The following PDE4D variants were observed in gnomAD, a reference collection of about 807,000 sequenced individuals.
The protein encoded by PDE4D is 3',5'-cyclic-AMP phosphodiesterase 4D.
In PDE4D, 24 loss-of-function variants were observed where a neutral mutation model predicts 87.4. That is an observed-to-expected ratio of 0.27 (90% confidence interval 0.20 to 0.39). PDE4D has a LOEUF of 0.39. Among genes scored for constraint, PDE4D ranks in the 10% least tolerant of loss-of-function variants. The probability of loss-of-function intolerance (pLI) is 1.00; values close to 1 mark genes in which losing one functional copy is unlikely to be tolerated. For missense variants in PDE4D, 714 were observed against 1,041.0 expected (o/e 0.69, Z 4.32); for synonymous variants, 384 against 383.2 (o/e 1.00, Z -0.02).
At chr5:59,670,611 T>G (rs745699177) in intron 1 of PDE4D, among the ~76,000 whole-genome samples, 4 of 151,378 alleles carry the variant, frequency 2.6e-5, no homozygotes, top group African/African-American at 9.7e-5. Context: ...TATTCCAAAA[T>G]CCAAAAAAAA....
chr5:59,434,257 T>C (rs1796497351), intron 1 of PDE4D, among the ~76,000 whole-genome samples: 1 of 133,262 alleles, frequency 7.5e-6, no homozygotes, highest in Non-Finnish European at 1.6e-5. Flanking sequence ...TAAAGAAGTC[T>C]CATCTTTAGG....
chr5:58,988,393 G>C (rs919156104), intron 11 of PDE4D, 100 bp downstream of exon 11: 5 of 451,998 alleles, frequency 1.1e-5, no homozygotes, highest in African/African-American at 8.0e-5. Context: ...CATCTCAAAA[G>C]AACATTATGG....
At chr5:59,765,485 T>C (rs1355504602) in intron 1 of PDE4D, among the ~76,000 whole-genome samples, 1 of 152,240 alleles carries the variant, frequency 6.6e-6, no homozygotes, top group Non-Finnish European at 1.5e-5. Flanking sequence ...CCTTATGCCT[T>C]GGAACAGAGC....
At chr5:59,627,790 A>C (rs1831069356) in intron 1 of PDE4D, among the ~76,000 whole-genome samples, 1 of 152,180 alleles carries the variant, frequency 6.6e-6, no homozygotes, top group African/African-American at 2.4e-5. Context: ...GCATAAAATC[A>C]CCCCAGCACT....
At chr5:59,378,253 G>A (rs1262786077) in intron 1 of PDE4D, among the ~76,000 whole-genome samples, 1 of 152,128 alleles carries the variant, frequency 6.6e-6, no homozygotes. Context: ...ACACAAAGAG[G>A]GGAACAACAC....
At chr5:59,882,476 T>C (rs1028808071) in intron 1 of PDE4D, among the ~76,000 whole-genome samples, 3 of 152,222 alleles carry the variant, frequency 2.0e-5, no homozygotes, top group Admixed American at 1.3e-4. Flanking sequence ...ATTGTTATCA[T>C]GAATTTGGAC....
At chr5:59,484,801 A>G (rs540689103) in intron 1 of PDE4D, among the ~76,000 whole-genome samples, 3 of 152,178 alleles carry the variant, frequency 2.0e-5, no homozygotes, top group Non-Finnish European at 4.4e-5. Context: ...GCTCTAGTGA[A>G]ACCATTTAGT....
At position 59,554,333 on chromosome 5, in the gene PDE4D, T is replaced by A. The variant is rs7731419; in HGVS notation, c.456-338365A>T. Among the ~76,000 whole-genome samples the A allele has an allele frequency of 7.5e-3, 1,148 of 152,252 alleles. 15 individuals carry two copies. Among genetic ancestry groups the A allele is most frequent in the African/African-American group, 0.026 (1,097 of 41,536 alleles). ...CTTCACAACCACTTTATAAAGTAAG[T>A]ATCATGATGGCCCCCATCCCCCTCC... On this transcript the variant is annotated intron_variant, in intron 1 of 14. Transcript: ENST00000340635.
intron 1 of PDE4D, among the ~76,000 whole-genome samples, chr5:59,548,614 T>G (rs990237255): frequency 6.6e-6 from 1 of 152,158 alleles, no homozygotes; most frequent in South Asian, 2.1e-4. Flanking sequence ...AGAAAAATAA[T>G]GCAGGAATGA....
intron 1 of PDE4D, among the ~76,000 whole-genome samples, chr5:59,613,735 A>G (rs947754047): frequency 6.6e-6 from 1 of 152,180 alleles, no homozygotes; most frequent in Non-Finnish European, 1.5e-5. Context: ...TGGGATTCAC[A>G]TGCCTTGACT....
intron 1 of PDE4D, among the ~76,000 whole-genome samples, chr5:59,562,260 A>C (rs911288756): frequency 2.6e-5 from 4 of 152,226 alleles, no homozygotes; most frequent in African/African-American, 9.6e-5. Context: ...AAGGAATTTC[A>C]TATTCCTATC....
chr5:60,457,270 T>C (rs1746546455), intron 1 of PDE4D, among the ~76,000 whole-genome samples: 1 of 152,160 alleles, frequency 6.6e-6, no homozygotes, highest in African/African-American at 2.4e-5. Context: ...CAGTGAGTAA[T>C]AAGGCCTTTT....
At chr5:60,209,186 TC>T (rs369324968) in intron 1 of PDE4D, among the ~76,000 whole-genome samples, 5 of 136,244 alleles carry the variant, frequency 3.7e-5, no homozygotes, top group Non-Finnish European at 4.7e-5. Flanking sequence ...TTTCTTTTTT[TC>T]TTTTTTTTTT....
intron 1 of PDE4D, among the ~76,000 whole-genome samples, chr5:59,232,645 A>G (rs1024699540): frequency 1.3e-5 from 2 of 152,118 alleles, no homozygotes; most frequent in Non-Finnish European, 1.5e-5. Flanking sequence ...GAACTATTAT[A>G]CAATCCAGCA....
intron 1 of PDE4D, among the ~76,000 whole-genome samples, chr5:60,248,936 A>T (rs904360553): frequency 1.3e-5 from 2 of 152,016 alleles, no homozygotes; most frequent in African/African-American, 4.8e-5. Flanking sequence ...AGCAGCTGGC[A>T]TTCACTGCGC....
chr5:60,213,485 C>T (rs931116082), intron 1 of PDE4D, among the ~76,000 whole-genome samples: 9 of 152,120 alleles, frequency 5.9e-5, no homozygotes, highest in Non-Finnish European at 1.2e-4. Flanking sequence ...TGAGACCAGT[C>T]GGATGGTCTT....
At chr5:60,258,370 C>T (rs1749313998) in intron 1 of PDE4D, among the ~76,000 whole-genome samples, 2 of 151,734 alleles carry the variant, frequency 1.3e-5, no homozygotes, top group South Asian at 4.2e-4. Flanking sequence ...AAGATTTGAC[C>T]TCAGTAATAA....
At chr5:59,587,650 G>C (rs991893107) in intron 1 of PDE4D, 2 of 981,682 alleles carry the variant, frequency 2.0e-6, no homozygotes, top group Non-Finnish European at 2.4e-6. Context: ...CAGCTGCAGA[G>C]ACTGCTGCCT....
rs556093919 is a variant in PDE4D at position 59,044,825 on chromosome 5, C to T, written c.809-5854G>A. On this transcript the variant is annotated intron_variant, in intron 5 of 14. Coordinates refer to ENST00000340635, the MANE Select transcript of PDE4D (RefSeq NM_001104631.2). ...AGGAAAGATGTGTGCAATTTTGTGA[C>T]GGTTTTCTTTTTCTTTTATCTTCTC... 2.0e-4 allele frequency among the ~76,000 whole-genome samples: 31 copies of T among 152,284 alleles called. 1 individual carries two copies. In the South Asian group the frequency reaches 5.2e-3, roughly 25 times the overall value.
Sources: gnomAD v4.1 joint callset for allele counts (sites outside exome capture counted in the v4.1 genomes callset) on GRCh38, gnomAD v4.1.1 for gene constraint, MANE v1.5 for transcripts, NCBI Gene and HGNC (gene_info 2026-07-23, HGNC 2026-07-21) for gene names.